The following MLLT3 variants were observed in gnomAD, a reference collection of about 807,000 sequenced individuals.
The protein encoded by MLLT3 is MLLT3 super elongation complex subunit.
MLLT3 carries 4 observed loss-of-function variants against 53.2 expected under a neutral mutation model. The ratio of observed to expected loss-of-function variants is 0.08; its 90% CI spans 0.04 to 0.17. The LOEUF (loss-of-function observed/expected upper bound fraction) is 0.17. Ranked by LOEUF, MLLT3 falls within the 10% of genes least tolerant of loss-of-function variation. The pLI is 1.00. For missense variants in MLLT3, 569 were observed against 684.0 expected (o/e 0.83, Z 1.87); for synonymous variants, 283 against 230.6 (o/e 1.23, Z -2.06).
At chr9:20,443,247 GA>G (rs1265387928) in intron 4 of MLLT3, among the ~76,000 whole-genome samples, 8 of 151,936 alleles carry the variant, frequency 5.3e-5, no homozygotes, top group African/African-American at 1.9e-4. Context: ...GCCAAAAAAA[GA>G]AAAAAGAAAC....
rs1820813445 is a variant in MLLT3 at position 20,344,400 on chromosome 9, T to C, written c.*2043A>G. 4.8e-6 allele frequency: 1 copy of C among 210,248 alleles called. No individual in the cohort carries two copies. Among genetic ancestry groups the C allele is most frequent in the Non-Finnish European group, 9.7e-6 (1 of 103,430 alleles). The allele number at this position is 210,248 out of a possible 1,614,324, so 13.0% of individuals were successfully genotyped here. A position where few individuals can be genotyped will look rare whatever the true frequency, so the allele number is the denominator to read the frequency against. On this transcript the variant is annotated 3_prime_UTR_variant, in exon 11 of 11. Transcript: ENST00000380338. Reference sequence around the variant, plus strand: ...AGAAATTTTAAAATATTTTAAAAATTTGCAACATTTCCATATAAACATTAC... The same window carrying C: ...AGAAATTTTAAAATATTTTAAAAATCTGCAACATTTCCATATAAACATTAC...
intron 2 of MLLT3, among the ~76,000 whole-genome samples, chr9:20,504,969 A>C (rs1425379050): frequency 6.6e-6 from 1 of 152,246 alleles, no homozygotes; most frequent in Non-Finnish European, 1.5e-5. Context: ...AAAGGAGCCC[A>C]AAAGTAGGAA....
chr9:20,350,397 C>T (rs1820982595), intron 10 of MLLT3, among the ~76,000 whole-genome samples: 2 of 152,094 alleles, frequency 1.3e-5, no homozygotes, highest in South Asian at 2.1e-4. Context: ...AGATCAAGAC[C>T]AACCCGGCTA....
chr9:20,458,870 C>CA (rs1223761141), intron 2 of MLLT3, among the ~76,000 whole-genome samples: 1 of 152,154 alleles, frequency 6.6e-6, no homozygotes, highest in Non-Finnish European at 1.5e-5. Context: ...TGACTGAAGC[C>CA]AGGGAGGAAA....
rs753669085 is a variant in MLLT3, at chr9:20,620,926, TG to T, written c.13-93del. On this transcript the variant is annotated intron_variant, in intron 1 of 10. Transcript: ENST00000380338. The surrounding 1 kb of genome is among the most constrained non-coding windows in gnomAD (Gnocchi z 6.1). ...CGCCTGACATTTTTTTCCTCCTTCT[TG>T]AAACGCACATAAAAGGAAACGGCGG... The T allele has an allele frequency of 1.8e-5, 26 of 1,411,290 alleles. No homozygotes were observed. The highest frequency in any genetic ancestry group is 2.4e-5 in the Non-Finnish European group (24 of 1,008,794). The allele number at this position is 1,411,290 out of a possible 1,614,324, so 87.4% of individuals were successfully genotyped here.
chr9:20,565,938 T>TTTTTA (rs1563820380), intron 2 of MLLT3, among the ~76,000 whole-genome samples: 9 of 12,572 alleles, frequency 7.2e-4, no homozygotes, highest in African/African-American at 1.7e-3. Context: ...ATATATATAT[T>TTTTTA]TATATATATA....
chr9:20,408,282 T>A (rs1052958549), intron 5 of MLLT3, among the ~76,000 whole-genome samples: 1 of 151,972 alleles, frequency 6.6e-6, no homozygotes, highest in Non-Finnish European at 1.5e-5. Context: ...TTTTTTTTTT[T>A]AATCTCCTTT....
At chr9:20,476,507 T>A (rs1824524589) in intron 2 of MLLT3, among the ~76,000 whole-genome samples, 1 of 152,106 alleles carries the variant, frequency 6.6e-6, no homozygotes, top group Non-Finnish European at 1.5e-5. Context: ...TGCCAAAAAA[T>A]TTATATCCTT....
intron 2 of MLLT3, among the ~76,000 whole-genome samples, chr9:20,607,068 G>A (rs949543877): frequency 4.0e-5 from 6 of 151,832 alleles, no homozygotes; most frequent in African/African-American, 7.3e-5. Flanking sequence ...GTACACTATC[G>A]TCATCTACCA....
chr9:20,567,225 T>C (rs903328571), intron 2 of MLLT3, among the ~76,000 whole-genome samples: 3 of 141,506 alleles, frequency 2.1e-5, no homozygotes, highest in Non-Finnish European at 3.0e-5. Context: ...AAAATTAGGC[T>C]GGGTCCCTTT....
At chr9:20,392,796 T>C (rs1362659707) in intron 5 of MLLT3, among the ~76,000 whole-genome samples, 1 of 152,192 alleles carries the variant, frequency 6.6e-6, no homozygotes, top group African/African-American at 2.4e-5. Flanking sequence ...TGACATGGAC[T>C]CTTTAAATGC....
chr9:20,352,058 G>C (rs78351203), intron 10 of MLLT3, among the ~76,000 whole-genome samples: 4,475 of 152,308 alleles, frequency 0.029, 236 homozygotes, highest in African/African-American at 0.099. Context: ...CTTGGATGGA[G>C]TTCTCCAGTA....
At chr9:20,492,575 A>T (rs922201237) in intron 2 of MLLT3, among the ~76,000 whole-genome samples, 1 of 151,880 alleles carries the variant, frequency 6.6e-6, no homozygotes, top group Non-Finnish European at 1.5e-5. Context: ...CATTAATTCT[A>T]CCTAATTAAA....
chr9:20,491,270 A>G (rs1394594462), intron 2 of MLLT3, among the ~76,000 whole-genome samples: 1 of 152,152 alleles, frequency 6.6e-6, no homozygotes, highest in African/African-American at 2.4e-5. Flanking sequence ...TCTTATCCAC[A>G]AAACCATTTT....
At chr9:20,585,469 G>A (rs995506840) in intron 2 of MLLT3, among the ~76,000 whole-genome samples, 1 of 152,176 alleles carries the variant, frequency 6.6e-6, no homozygotes, top group Non-Finnish European at 1.5e-5. Flanking sequence ...TACAGTAATA[G>A]TGTGTTTAGT....
chr9:20,429,650 A>T (rs1383694066), intron 4 of MLLT3, among the ~76,000 whole-genome samples: 1 of 152,190 alleles, frequency 6.6e-6, no homozygotes, highest in African/African-American at 2.4e-5. Context: ...CAAGCACTAC[A>T]TTAACAGATT....
intron 2 of MLLT3, among the ~76,000 whole-genome samples, chr9:20,480,922 T>G (rs1824645845): frequency 6.6e-6 from 1 of 152,094 alleles, no homozygotes; most frequent in Non-Finnish European, 1.5e-5. Flanking sequence ...CAAAGGAGAA[T>G]AAAAGGCAAA....
chr9:20,483,247 T>A (rs78152860), intron 2 of MLLT3, among the ~76,000 whole-genome samples: 20 of 35,730 alleles, frequency 5.6e-4, no homozygotes, highest in East Asian at 4.4e-3. Context: ...TATTATTTTT[T>A]TTTTTGAGAC....
chr9:20,620,873 G>A lies in MLLT3; in HGVS notation c.13-39C>T, dbSNP rs372064197. The A allele has an allele frequency of 6.2e-7, 1 of 1,609,668 alleles. No homozygotes were observed. Among genetic ancestry groups the A allele is most frequent in the Admixed American group, 1.7e-5 (1 of 59,976 alleles). On this transcript the variant is annotated intron_variant, in intron 1 of 10. Coordinates refer to ENST00000380338, the MANE Select transcript of MLLT3 (RefSeq NM_004529.4). The surrounding 1 kb of genome is among the most constrained non-coding windows in gnomAD (Gnocchi z 6.1). ...GAGGAGAGACAGCCGTGAATAACAG[G>A]AAGGCGAGGTTTCGGCAGTGAACGT... is the stretch of plus-strand genomic sequence containing the variant.
Sources: gnomAD v4.1 joint callset for allele counts (sites outside exome capture counted in the v4.1 genomes callset) on GRCh38, gnomAD v4.1.1 for gene constraint, Gnocchi (gnomAD v3.1) non-coding constraint, MANE v1.5 for transcripts, NCBI Gene and HGNC (gene_info 2026-07-23, HGNC 2026-07-21) for gene names.